The following PAPPA2 variants were observed in gnomAD, a reference collection of about 807,000 sequenced individuals.
PAPPA2 encodes the protein pappalysin 2.
In PAPPA2, 86 loss-of-function variants were observed where a neutral mutation model predicts 176.4. That is an observed-to-expected ratio of 0.49 (90% CI 0.41 to 0.58). The LOEUF (loss-of-function observed/expected upper bound fraction) is 0.58, where lower values mean the gene tolerates loss of function less well. PAPPA2 is among the 20% of genes least tolerant of loss of function. PAPPA2 has a pLI of 0.00. For missense variants in PAPPA2, 2,073 were observed against 2,256.9 expected (o/e 0.92, Z 1.65); for synonymous variants, 809 against 852.2 (o/e 0.95, Z 0.88).
chr1:176,615,494 C>CT (rs1335017002), intron 3 of PAPPA2, among the ~76,000 whole-genome samples: 5 of 151,572 alleles, frequency 3.3e-5, no homozygotes, highest in Non-Finnish European at 7.4e-5. Flanking sequence ...TTTCTTTTTT[C>CT]TTTTTTGTAT....
At chr1:176,684,290 A>G (rs1659728962) in intron 4 of PAPPA2, among the ~76,000 whole-genome samples, 1 of 152,162 alleles carries the variant, frequency 6.6e-6, no homozygotes, top group Non-Finnish European at 1.5e-5. Flanking sequence ...ATCCTTTTAC[A>G]CTAGTACTTT....
At chr1:176,483,257 G>A (rs1652487210) in intron 1 of PAPPA2, among the ~76,000 whole-genome samples, 1 of 152,002 alleles carries the variant, frequency 6.6e-6, no homozygotes, top group African/African-American at 2.4e-5. Flanking sequence ...AGCGACACTA[G>A]TGATCTGAAC....
intron 12 of PAPPA2, among the ~76,000 whole-genome samples, chr1:176,716,531 C>T (rs1240816400): frequency 6.6e-6 from 1 of 151,862 alleles, no homozygotes; most frequent in Admixed American, 6.6e-5. Flanking sequence ...CAGGCATGAG[C>T]CACTGCGCCC....
At chr1:176,735,682 ATCTATCT>A (rs1662368587) in intron 12 of PAPPA2, among the ~76,000 whole-genome samples, 2 of 1,352 alleles carry the variant, frequency 1.5e-3, no homozygotes, top group African/African-American at 4.5e-3. Context: ...CTCAGAATCT[ATCTATCT>A]ATCTATCTAT....
chr1:176,679,870 G>A (rs532381401), intron 4 of PAPPA2, among the ~76,000 whole-genome samples: 58 of 152,268 alleles, frequency 3.8e-4, no homozygotes, highest in African/African-American at 1.3e-3. Context: ...GAGATGTACT[G>A]GAGTTGAGTA....
rs187690606 is a variant in PAPPA2, at chr1:176,788,604, A to C, written c.4716-1205A>C. Among the ~76,000 whole-genome samples, 382 of 152,318 alleles carry C rather than the reference A, an allele frequency of 2.5e-3. 1 individual carries two copies. The highest frequency in any genetic ancestry group is 3.9e-3 in the Admixed American group (60 of 15,300). On this transcript the variant is annotated intron_variant, in intron 17 of 22. Coordinates refer to ENST00000367662, the MANE Select transcript of PAPPA2 (RefSeq NM_020318.3). ...CAAATGGAAAGCACTTTCAAACTGC[A>C]GTGAGTCAAAAGGGGAATGGAATGG...
chr1:176,695,967 TGTGTGTGTGTGTGTGTGTG>T, intron 7 of PAPPA2, 108 bp downstream of exon 7: 1 of 74,734 alleles, frequency 1.3e-5, no homozygotes, highest in Non-Finnish European at 1.9e-5. Flanking sequence ...TGTATGTGTA[TGTGTGTGTGTGTGTGTGTG>T]TGTGTGTGTG....
intron 14 of PAPPA2, among the ~76,000 whole-genome samples, chr1:176,750,510 C>G (rs185942296): frequency 6.6e-6 from 1 of 152,090 alleles, no homozygotes; most frequent in Non-Finnish European, 1.5e-5. Context: ...GAGGCTGAGG[C>G]AGGAGAATTG....
At chr1:176,634,960 T>C (rs988185078) in intron 3 of PAPPA2, among the ~76,000 whole-genome samples, 2 of 118,610 alleles carry the variant, frequency 1.7e-5, no homozygotes, top group Non-Finnish European at 3.6e-5. Context: ...GATAGATAGA[T>C]AGATAAATAG....
At chr1:176,791,046 T>A (rs757860041) in intron 18 of PAPPA2, among the ~76,000 whole-genome samples, 1 of 152,156 alleles carries the variant, frequency 6.6e-6, no homozygotes, top group Non-Finnish European at 1.5e-5. Context: ...CAAAAATAGC[T>A]CTGAATATAT....
intron 3 of PAPPA2, among the ~76,000 whole-genome samples, chr1:176,608,797 T>C (rs930488906): frequency 2.8e-4 from 43 of 152,228 alleles, no homozygotes; most frequent in Admixed American, 2.7e-3. Flanking sequence ...GTTTATTTTC[T>C]AGATTCCTCT....
intron 2 of PAPPA2, among the ~76,000 whole-genome samples, chr1:176,566,421 G>T (rs986828635): frequency 3.9e-5 from 6 of 152,132 alleles, no homozygotes; most frequent in Non-Finnish European, 7.3e-5. Context: ...TTCATTTACT[G>T]TAAAAGATTC....
rs1299573839 is a variant in PAPPA2, at chr1:176,509,845, AC to A, written c.-916-45561del. 2.0e-5 allele frequency among the ~76,000 whole-genome samples: 3 copies of A among 148,032 alleles called. No homozygotes were observed. The East Asian group carries it at 5.8e-4, about 29-fold the overall frequency. On this transcript the variant is annotated intron_variant, in intron 1 of 22. Transcript: ENST00000367662. ...TGGCAAAACCCCGTTTCTACAAAAAACAAAACAAACAAACAAAAAAAAACAA... is the reference window on the plus strand; with the variant it reads ...TGGCAAAACCCCGTTTCTACAAAAAAAAAACAAACAAACAAAAAAAAACAA...
chr1:176,495,830 C>T (rs1205012545), intron 1 of PAPPA2, among the ~76,000 whole-genome samples: 3 of 149,996 alleles, frequency 2.0e-5, no homozygotes, highest in Admixed American at 6.6e-5. Flanking sequence ...ATGGGTGGTG[C>T]GATCATAGCT....
chr1:176,676,297 G>A (rs1453132855), intron 4 of PAPPA2, among the ~76,000 whole-genome samples: 1 of 152,020 alleles, frequency 6.6e-6, no homozygotes, highest in Non-Finnish European at 1.5e-5. Context: ...CTTCATAGCA[G>A]CTTTCTATTT....
intron 3 of PAPPA2, among the ~76,000 whole-genome samples, chr1:176,668,844 C>A (rs1362273861): frequency 6.6e-6 from 1 of 152,110 alleles, no homozygotes; most frequent in Non-Finnish European, 1.5e-5. Context: ...AGTAACCATA[C>A]CCAGTTTGCC....
intron 4 of PAPPA2, among the ~76,000 whole-genome samples, chr1:176,689,028 G>C (rs892620527): frequency 1.3e-5 from 2 of 152,184 alleles, no homozygotes; most frequent in African/African-American, 4.8e-5. Context: ...TGGGAACTGG[G>C]ATCAGACCTG....
chr1:176,684,315 G>T (rs2102795459), intron 4 of PAPPA2, among the ~76,000 whole-genome samples: 1 of 152,264 alleles, frequency 6.6e-6, no homozygotes, highest in Non-Finnish European at 1.5e-5. Flanking sequence ...CTTCCCCTGA[G>T]TAAGTATTCC....
intron 1 of PAPPA2, among the ~76,000 whole-genome samples, chr1:176,498,724 T>TG (rs1253392033): frequency 1.4e-5 from 2 of 145,360 alleles, no homozygotes; most frequent in Non-Finnish European, 3.0e-5. Context: ...CACTCCAGCC[T>TG]GGGCGACAGA....
Sources: gnomAD v4.1 joint callset for allele counts (sites outside exome capture counted in the v4.1 genomes callset) on GRCh38, gnomAD v4.1.1 for gene constraint, MANE v1.5 for transcripts, NCBI Gene and HGNC (gene_info 2026-07-23, HGNC 2026-07-21) for gene names.